TCFL5: variants seen among roughly 807,000 people sequenced by gnomAD.
The protein encoded by TCFL5 is transcription factor like 5.
In TCFL5, 9 loss-of-function variants were observed where a neutral mutation model predicts 44.3. That is an observed-to-expected ratio of 0.20 (90% CI 0.12 to 0.35). TCFL5 has a LOEUF of 0.35. Ranked by LOEUF, TCFL5 falls within the 10% of genes least tolerant of loss-of-function variation. The pLI is 1.00. For missense variants in TCFL5, 603 were observed against 613.4 expected (o/e 0.98, Z 0.18); for synonymous variants, 319 against 271.6 (o/e 1.17, Z -1.72).
chr20:62,843,394 T>A (rs760044030), intron 5 of TCFL5, among the ~76,000 whole-genome samples: 3 of 151,830 alleles, frequency 2.0e-5, no homozygotes, highest in Non-Finnish European at 4.4e-5. Flanking sequence ...TATTTATGAA[T>A]GAAATGATGT....
chr20:62,855,598 C>G (rs6062716), intron 4 of TCFL5, among the ~76,000 whole-genome samples: 1 of 152,134 alleles, frequency 6.6e-6, no homozygotes, highest in Non-Finnish European at 1.5e-5. Context: ...GAAACCCCTC[C>G]TGTACTAAAA....
At chr20:62,854,832 C>T (rs761232360) in intron 4 of TCFL5, among the ~76,000 whole-genome samples, 2 of 152,202 alleles carry the variant, frequency 1.3e-5, no homozygotes, top group African/African-American at 4.8e-5. Flanking sequence ...CACCTTCACA[C>T]CCGTCTATTT....
At chr20:62,855,950 C>G (rs6062374) in intron 4 of TCFL5, among the ~76,000 whole-genome samples, 39,886 of 151,768 alleles carry the variant, frequency 0.26, 5,353 homozygotes, top group Middle Eastern at 0.32. Context: ...GGGAAATATT[C>G]TATGAAAACC....
At chr20:62,845,711 C>A in intron 5 of TCFL5, 1 of 1,606,710 alleles carries the variant, frequency 6.2e-7, no homozygotes, top group Non-Finnish European at 8.5e-7. Context: ...TCCAATATGA[C>A]GAGGACTCGG....
chr20:62,852,477 G>A lies in TCFL5; in HGVS notation c.1380+1539C>T, dbSNP rs545893647. On this transcript the variant is annotated intron_variant, in intron 5 of 5. Coordinates refer to ENST00000335351, the MANE Select transcript of TCFL5 (RefSeq NM_006602.4). ...CTTTTAGGCCACTGAGGGGCTGACT[G>A]AACTCCTGCATTCAAATCACACGTC... The A allele has an allele frequency of 8.3e-5, 82 of 985,486 alleles. No homozygotes were observed. The African/African-American group carries it at 1.4e-3, about 16-fold the overall frequency. The allele number at this position is 985,486 out of a possible 1,614,324, so 61.0% of individuals were successfully genotyped here.
chr20:62,855,180 G>T (rs189929675), intron 4 of TCFL5, among the ~76,000 whole-genome samples: 1 of 152,244 alleles, frequency 6.6e-6, no homozygotes, highest in Non-Finnish European at 1.5e-5. Context: ...TTTCTTTGGG[G>T]GATGGGTCTC....
intron 4 of TCFL5, 40 bp from the exon 5 acceptor site, chr20:62,854,197 A>C (rs200119629): frequency 6.2e-7 from 1 of 1,606,622 alleles, no homozygotes; most frequent in East Asian, 2.2e-5. Flanking sequence ...GAGAGACCGG[A>C]GCAAAACAAA....
At chr20:62,850,493 C>T (rs148804448) in intron 5 of TCFL5, among the ~76,000 whole-genome samples, 2 of 152,182 alleles carry the variant, frequency 1.3e-5, no homozygotes, top group Non-Finnish European at 2.9e-5. Context: ...CAACTGGTAC[C>T]GCCACAAACA....
Position 62,857,591 on chromosome 20 carries a change from G to A in TCFL5, c.1042C>T (p.Arg348Cys), listed in dbSNP as rs767486884. The A allele has an allele frequency of 3.8e-5, 62 of 1,614,092 alleles. No individual in the cohort carries two copies. The highest frequency in any genetic ancestry group is 6.6e-5 in the South Asian group (6 of 91,092). ...CGCTCTACATTTGTGTCCAACTGAC[G>A]CATTCTACTCCGATTCCTCTTCAGT... ...QALKRNRSRMRQLDTNVERRA... is the reference protein window; with the variant it reads ...QALKRNRSRMCQLDTNVERRA... Residue 348 changes from arginine to cysteine, a missense_variant, in exon 4 of 6, where the codon CGT becomes TGT. Physicochemically the swap from Arg to Cys is radical, Grantham distance 180. Around this residue, in one of 4 missense-constraint regions of TCFL5, gnomAD observed 540 missense variants for 478.7 expected, o/e 1.13. Transcript: ENST00000335351.
rs1053749205 is a variant in TCFL5, at chr20:62,860,192, A to T, written c.764T>A (p.Phe255Tyr). Residue 255 changes from phenylalanine (F) to tyrosine (Y), a missense_variant, in exon 2 of 6, where the codon TTT becomes TAT. Phe to Tyr is a conservative substitution (Grantham distance 22). Transcript: ENST00000335351. ...ATTTGTAGTAAACAGTGGGTATGTAAATTGCAAAGCAGTAGTTGTAGCCGC... is the reference window on the plus strand; with the variant it reads ...ATTTGTAGTAAACAGTGGGTATGTATATTGCAAAGCAGTAGTTGTAGCCGC... Reference protein sequence around the residue: ...KTAATTTALQFTYPLFTTNAC... With the variant: ...KTAATTTALQYTYPLFTTNAC... The T allele has an allele frequency of 6.8e-6, 11 of 1,613,908 alleles. No homozygotes were observed. The highest frequency in any genetic ancestry group is 1.3e-5 in the African/African-American group (1 of 75,044).
chr20:62,855,029 A>G (rs2063866805), intron 4 of TCFL5, among the ~76,000 whole-genome samples: 1 of 152,180 alleles, frequency 6.6e-6, no homozygotes, highest in African/African-American at 2.4e-5. Flanking sequence ...CTTTCCACAT[A>G]GCAGGTACTC....
rs2063681937 is a variant in TCFL5, at chr20:62,841,712, A to G, written c.*263T>C. ...GAATCAGAGCATTGAGAAAATGCTT[A>G]CTAATTATTACTAATTAATTATTAC... On this transcript the variant is annotated 3_prime_UTR_variant, in exon 6 of 6. Transcript: ENST00000335351. 1 of 267,696 alleles carries G rather than the reference A, an allele frequency of 3.7e-6. No individual in the cohort carries two copies. The highest frequency in any genetic ancestry group is 1.2e-4 in the South Asian group (1 of 8,532). The allele number at this position is 267,696 out of a possible 1,614,324, so 16.6% of individuals were successfully genotyped here.
rs902420139 is a variant in TCFL5, at chr20:62,860,165, G to C, written c.791C>G (p.Ala264Gly). The C allele has an allele frequency of 1.3e-5, 21 of 1,612,936 alleles. No homozygotes were observed. The highest frequency in any genetic ancestry group is 1.6e-5 in the Non-Finnish European group (19 of 1,179,076). Reference sequence around the variant, plus strand: ...ATTAGAATTTCCACTAGTAGAGCAAGCATTTGTAGTAAACAGTGGGTATGT... The same window carrying C: ...ATTAGAATTTCCACTAGTAGAGCAACCATTTGTAGTAAACAGTGGGTATGT... ...QFTYPLFTTN[A>G]CSTSGNSNLS... The change falls in exon 2 of 6, where the codon GCT (alanine) becomes GGT (glycine). Residue 264 changes from alanine (A) to glycine (G), a missense_variant. Ala to Gly is a moderately conservative substitution (Grantham distance 60). Coordinates refer to ENST00000335351, the MANE Select transcript of TCFL5 (RefSeq NM_006602.4).
intron 5 of TCFL5, among the ~76,000 whole-genome samples, chr20:62,850,317 G>A (rs2063791166): frequency 6.6e-6 from 1 of 151,890 alleles, no homozygotes; most frequent in Admixed American, 6.6e-5. Context: ...GGCTGACGCC[G>A]CCCTGCCCTC....
At chr20:62,845,890 A>G (rs770489458) in intron 5 of TCFL5, 2 of 1,549,980 alleles carry the variant, frequency 1.3e-6, no homozygotes, top group South Asian at 1.1e-5. Context: ...CCTTCAGTCA[A>G]CAAAGAATGA....
intron 5 of TCFL5, chr20:62,846,020 G>C (rs2063738456): frequency 7.3e-7 from 1 of 1,373,948 alleles, no homozygotes; most frequent in Admixed American, 2.2e-5. Flanking sequence ...GTGATTTGCT[G>C]TTCTGTAGGC....
chr20:62,856,332 A>G (rs1483372565), intron 4 of TCFL5, among the ~76,000 whole-genome samples: 1 of 114,890 alleles, frequency 8.7e-6, no homozygotes, highest in Admixed American at 8.4e-5. Flanking sequence ...TTCTACAAAG[A>G]AGGATACCAC....
chr20:62,855,027 A>G (rs959208957), intron 4 of TCFL5, among the ~76,000 whole-genome samples: 3 of 152,214 alleles, frequency 2.0e-5, no homozygotes, highest in African/African-American at 4.8e-5. Context: ...GGCTTTCCAC[A>G]TAGCAGGTAC....
At chr20:62,854,372 G>T (rs2063856238) in intron 4 of TCFL5, among the ~76,000 whole-genome samples, 1 of 152,196 alleles carries the variant, frequency 6.6e-6, no homozygotes, top group Non-Finnish European at 1.5e-5. Context: ...AGCATCCTCG[G>T]GTGCCCTTGG....
Sources: allele counts gnomAD v4.1 joint callset (sites outside exome capture counted in the v4.1 genomes callset), GRCh38; gene constraint gnomAD v4.1.1; regional missense constraint gnomAD v4.1.1; transcripts MANE v1.5; gene names NCBI Gene and HGNC (gene_info 2026-07-23, HGNC 2026-07-21).